The following PTPRR variants were observed in gnomAD, a reference collection of about 807,000 sequenced individuals.
The protein encoded by PTPRR is protein tyrosine phosphatase receptor type R, also known as receptor-type tyrosine-protein phosphatase R.
A neutral mutation model predicts 77.2 loss-of-function variants in PTPRR; 38 were observed. That is an observed-to-expected ratio of 0.49 (90% confidence interval 0.38 to 0.65). The LOEUF is 0.65. Ranked by LOEUF, PTPRR falls within the 30% of genes least tolerant of loss-of-function variation. PTPRR has a pLI of 0.00. For synonymous variants in PTPRR, 299 were observed against 283.1 expected (o/e 1.06, Z -0.57); for missense variants, 744 against 799.2 (o/e 0.93, Z 0.83).
intron 13 of PTPRR, among the ~76,000 whole-genome samples, chr12:70,654,577 A>G (rs1206926905): frequency 6.6e-6 from 1 of 152,224 alleles, no homozygotes; most frequent in East Asian, 1.9e-4. Flanking sequence ...ATCTTTTTAG[A>G]AAACTCTAGG....
chr12:70,919,628 A>C (rs1893822823), intron 1 of PTPRR, among the ~76,000 whole-genome samples: 1 of 143,028 alleles, frequency 7.0e-6, no homozygotes, highest in Admixed American at 7.4e-5. Context: ...AATCTGTCCG[A>C]GGGACAGTGC....
At chr12:70,744,206 G>A (rs1890140029) in intron 6 of PTPRR, among the ~76,000 whole-genome samples, 1 of 152,222 alleles carries the variant, frequency 6.6e-6, no homozygotes, top group African/African-American at 2.4e-5. Flanking sequence ...AGGTCCAGAT[G>A]AGTGAATGAC....
intron 2 of PTPRR, among the ~76,000 whole-genome samples, chr12:70,832,984 A>G (rs1394351489): frequency 6.6e-6 from 1 of 152,166 alleles, no homozygotes; most frequent in East Asian, 1.9e-4. Flanking sequence ...GGGCAGATTC[A>G]GAAACTATCT....
At chr12:70,668,827 C>A (rs986558690) in intron 10 of PTPRR, among the ~76,000 whole-genome samples, 9 of 152,118 alleles carry the variant, frequency 5.9e-5, no homozygotes, top group African/African-American at 1.9e-4. Context: ...TAAAGAAACT[C>A]TTTTGTAAAG....
At chr12:70,710,708 GA>G (rs1025853966) in intron 6 of PTPRR, among the ~76,000 whole-genome samples, 3 of 151,184 alleles carry the variant, frequency 2.0e-5, no homozygotes, top group Admixed American at 6.6e-5. Flanking sequence ...AAATTTACAA[GA>G]AAAAAAATCT....
intron 10 of PTPRR, among the ~76,000 whole-genome samples, chr12:70,678,449 A>ATT (rs140855742): frequency 6.6e-6 from 1 of 151,138 alleles, no homozygotes; most frequent in African/African-American, 2.4e-5. Flanking sequence ...GAATTTATTC[A>ATT]TTTTTTTTTA....
intron 7 of PTPRR, among the ~76,000 whole-genome samples, chr12:70,700,925 C>G (rs987007931): frequency 1.3e-5 from 2 of 152,138 alleles, no homozygotes; most frequent in Non-Finnish European, 2.9e-5. Context: ...TTTGCCTCAC[C>G]AATTCTTGCA....
At chr12:70,644,472 C>G (rs2136641906) in intron 13 of PTPRR, among the ~76,000 whole-genome samples, 1 of 152,296 alleles carries the variant, frequency 6.6e-6, no homozygotes, top group East Asian at 1.9e-4. Flanking sequence ...CAAATTCTGT[C>G]TCCACCACTT....
At chr12:70,801,365 T>G (rs937964597) in intron 2 of PTPRR, among the ~76,000 whole-genome samples, 1 of 152,184 alleles carries the variant, frequency 6.6e-6, no homozygotes, top group Non-Finnish European at 1.5e-5. Flanking sequence ...ACATTAACAT[T>G]TGAATTGAAA....
chr12:70,645,007 T>C (rs1886144507), intron 13 of PTPRR, among the ~76,000 whole-genome samples: 1 of 152,140 alleles, frequency 6.6e-6, no homozygotes, highest in African/African-American at 2.4e-5. Flanking sequence ...ACAAACGTCA[T>C]CGGGTTGTGA....
chr12:70,672,401 C>A, intron 10 of PTPRR: 2 of 1,193,130 alleles, frequency 1.7e-6, no homozygotes, highest in East Asian at 2.4e-5. Context: ...GGAAGTGGAG[C>A]AGCTGTGGTC....
intron 13 of PTPRR, among the ~76,000 whole-genome samples, chr12:70,654,560 T>C (rs1259503745): frequency 6.6e-6 from 1 of 152,216 alleles, no homozygotes; most frequent in Non-Finnish European, 1.5e-5. Flanking sequence ...GGTTAGTGTA[T>C]AATTTTATCT....
chr12:70,717,682 T>G (rs1414003442), intron 6 of PTPRR, among the ~76,000 whole-genome samples: 1 of 152,190 alleles, frequency 6.6e-6, no homozygotes. Context: ...GTCCCATATC[T>G]ACAGAATGCC....
chr12:70,833,911 T>C (rs1238087375), intron 2 of PTPRR, among the ~76,000 whole-genome samples: 1 of 152,166 alleles, frequency 6.6e-6, no homozygotes, highest in Non-Finnish European at 1.5e-5. Flanking sequence ...TTTATCACAC[T>C]TTTAAAAGGG....
chr12:70,678,806 C>T (rs1481116916), intron 10 of PTPRR, among the ~76,000 whole-genome samples: 3 of 152,010 alleles, frequency 2.0e-5, no homozygotes, highest in Non-Finnish European at 2.9e-5. Flanking sequence ...CTCAGCCTCC[C>T]GAGTACCTGA....
chr12:70,881,298 A>G (rs1893145331), intron 2 of PTPRR, among the ~76,000 whole-genome samples: 1 of 152,178 alleles, frequency 6.6e-6, no homozygotes, highest in Admixed American at 6.5e-5. Flanking sequence ...AGGGAAACTT[A>G]GCAGTAAGAC....
intron 2 of PTPRR, among the ~76,000 whole-genome samples, chr12:70,822,381 C>T (rs1436489520): frequency 6.6e-6 from 1 of 151,968 alleles, no homozygotes; most frequent in Non-Finnish European, 1.5e-5. Context: ...ATTTGTGCTG[C>T]CAGAGGAAGA....
At chr12:70,823,847 G>A (rs138650417) in intron 2 of PTPRR, among the ~76,000 whole-genome samples, 1 of 152,202 alleles carries the variant, frequency 6.6e-6, no homozygotes, top group Admixed American at 6.5e-5. Flanking sequence ...GCTGCTCCTG[G>A]GTCTTGTAAG....
At chr12:70,865,825 A>T (rs1892834915) in intron 2 of PTPRR, among the ~76,000 whole-genome samples, 1 of 152,218 alleles carries the variant, frequency 6.6e-6, no homozygotes, top group Admixed American at 6.5e-5. Flanking sequence ...ATATGGCAAG[A>T]TCTAAGGTGA....
Sources: gnomAD v4.1 joint callset for allele counts (sites outside exome capture counted in the v4.1 genomes callset) on GRCh38, gnomAD v4.1.1 for gene constraint, MANE v1.5 for transcripts, NCBI Gene and HGNC (gene_info 2026-07-23, HGNC 2026-07-21) for gene names.